Variants in KCNQ3 observed in about 807,000 individuals in gnomAD.
KCNQ3 encodes potassium voltage-gated channel subfamily Q member 3.
A neutral mutation model predicts 92.5 loss-of-function variants in KCNQ3; 30 were observed. The ratio of observed to expected loss-of-function variants is 0.32; its 90% CI spans 0.24 to 0.44. The LOEUF (loss-of-function observed/expected upper bound fraction) is 0.44. Ranked by LOEUF, KCNQ3 falls within the 20% of genes least tolerant of loss-of-function variation. KCNQ3 has a pLI of 1.00. For synonymous variants in KCNQ3, 450 were observed against 468.8 expected (o/e 0.96, Z 0.52); for missense variants, 913 against 1,140.3 (o/e 0.80, Z 2.87).
intron 1 of KCNQ3, among the ~76,000 whole-genome samples, chr8:132,190,063 G>A (rs574511102): frequency 1.8e-4 from 28 of 152,214 alleles, no homozygotes; most frequent in South Asian, 1.5e-3. Flanking sequence ...CGATCCTGGC[G>A]CTGGAACCCA....
intron 1 of KCNQ3, among the ~76,000 whole-genome samples, chr8:132,373,010 ATC>A (rs1009442254): frequency 6.6e-6 from 1 of 152,108 alleles, no homozygotes; most frequent in African/African-American, 2.4e-5. Context: ...AGATAATAGA[ATC>A]TCACAGAATT....
At chr8:132,331,222 A>G (rs998185503) in intron 1 of KCNQ3, among the ~76,000 whole-genome samples, 1 of 152,146 alleles carries the variant, frequency 6.6e-6, no homozygotes, top group Admixed American at 6.5e-5. Context: ...AGGAATTTGA[A>G]AGTCTAGGTG....
Position 132,240,297 on chromosome 8 carries a change from C to T in KCNQ3, c.387-54116G>A, listed in dbSNP as rs144213780. On this transcript the variant is annotated intron_variant, in intron 1 of 14. Coordinates refer to ENST00000388996, the MANE Select transcript of KCNQ3 (RefSeq NM_004519.4). ...TGCCTCCAGGGTTCAAGTGCATCTC[C>T]TGCCTCAGCCTCCCGAGTAGCTGGG... Among the ~76,000 whole-genome samples the T allele has an allele frequency of 3.4e-3, 521 of 151,884 alleles. 2 individuals are homozygous for T. The highest frequency in any genetic ancestry group is 4.6e-3 in the Non-Finnish European group (314 of 67,996).
intron 1 of KCNQ3, among the ~76,000 whole-genome samples, chr8:132,453,425 C>T (rs903714357): frequency 2.0e-5 from 3 of 152,150 alleles, no homozygotes; most frequent in African/African-American, 7.2e-5. Flanking sequence ...CCTGAGAGGT[C>T]GGGCTGCCTG....
chr8:132,304,679 T>C (rs1817360988), intron 1 of KCNQ3, among the ~76,000 whole-genome samples: 1 of 152,226 alleles, frequency 6.6e-6, no homozygotes, highest in Admixed American at 6.5e-5. Context: ...GTGCAGCTTA[T>C]AAAACATTTT....
chr8:132,473,701 C>G (rs972051209), intron 1 of KCNQ3, among the ~76,000 whole-genome samples: 6 of 152,190 alleles, frequency 3.9e-5, no homozygotes, highest in African/African-American at 1.4e-4. Context: ...CCCAAAGATA[C>G]AGCAACTTGC....
In KCNQ3 at chr8:132,132,160, G is replaced by A; in HGVS notation, c.1884+20C>T. The A allele has an allele frequency of 6.7e-7, 1 of 1,496,246 alleles. No homozygotes were observed. Among genetic ancestry groups the A allele is most frequent in the East Asian group, 2.3e-5 (1 of 44,288 alleles). 92.7% of individuals were successfully genotyped at this position (1,496,246 alleles called of 1,614,324 possible). A position where few individuals can be genotyped will look rare whatever the true frequency, so the allele number is the denominator to read the frequency against. On this transcript the variant is annotated intron_variant, in intron 14 of 14. Transcript: ENST00000388996. Reference sequence around the variant, plus strand: ...AAATGTCACAGATCCAGTTTTTGGTGAGAGGAAGAAAAGACTTACCTGTCT... The same window carrying A: ...AAATGTCACAGATCCAGTTTTTGGTAAGAGGAAGAAAAGACTTACCTGTCT...
chr8:132,304,249 ATGT>A (rs1466923853), intron 1 of KCNQ3, among the ~76,000 whole-genome samples: 6 of 152,316 alleles, frequency 3.9e-5, no homozygotes, highest in African/African-American at 1.4e-4. Flanking sequence ...ATTCACCACT[ATGT>A]AATACATCCA....
chr8:132,201,845 C>T (rs574640966), intron 1 of KCNQ3, among the ~76,000 whole-genome samples: 65 of 152,278 alleles, frequency 4.3e-4, no homozygotes, highest in South Asian at 1.5e-3. Flanking sequence ...ACTGCCCTAG[C>T]GAGGTCTCTC....
chr8:132,240,847 T>G (rs1366701012), intron 1 of KCNQ3, among the ~76,000 whole-genome samples: 2 of 152,124 alleles, frequency 1.3e-5, no homozygotes, highest in Non-Finnish European at 2.9e-5. Flanking sequence ...TTATGTATGT[T>G]AACTCCTTTA....
intron 1 of KCNQ3, among the ~76,000 whole-genome samples, chr8:132,224,534 T>C (rs962281581): frequency 2.0e-5 from 3 of 152,030 alleles, no homozygotes; most frequent in Non-Finnish European, 4.4e-5. Flanking sequence ...GAGATCTGAC[T>C]CACAAACTTC....
At chr8:132,163,583 T>C in intron 8 of KCNQ3, 89 bp from the exon 9 acceptor site, 6 of 1,109,392 alleles carry the variant, frequency 5.4e-6, no homozygotes, top group Non-Finnish European at 8.3e-6. Flanking sequence ...AGCTTCTCTC[T>C]GAAGATGATG....
At chr8:132,327,206 C>A (rs919396399) in intron 1 of KCNQ3, among the ~76,000 whole-genome samples, 1 of 152,170 alleles carries the variant, frequency 6.6e-6, no homozygotes, top group African/African-American at 2.4e-5. Context: ...CATGCAGGAT[C>A]TCATGTGTGA....
At chr8:132,287,647 T>G (rs59778108) in intron 1 of KCNQ3, among the ~76,000 whole-genome samples, 1 of 152,320 alleles carries the variant, frequency 6.6e-6, no homozygotes, top group Non-Finnish European at 1.5e-5. Context: ...ACCTTGAAAT[T>G]TGGTGGATCA....
intron 1 of KCNQ3, among the ~76,000 whole-genome samples, chr8:132,429,189 A>G (rs1821183731): frequency 6.6e-6 from 1 of 152,180 alleles, no homozygotes; most frequent in African/African-American, 2.4e-5. Flanking sequence ...GTCAACCACT[A>G]ATGAAGAAGT....
At chr8:132,300,181 GGACAA>G (rs754926562) in intron 1 of KCNQ3, among the ~76,000 whole-genome samples, 3 of 152,206 alleles carry the variant, frequency 2.0e-5, no homozygotes, top group Admixed American at 1.3e-4. Flanking sequence ...GGGAAAGAAA[GGACAA>G]GACAAGATAA....
At chr8:132,189,907 A>AAAAAAAAAAAAAG (rs1480816124) in intron 1 of KCNQ3, among the ~76,000 whole-genome samples, 1 of 132,218 alleles carries the variant, frequency 7.6e-6, no homozygotes, top group Non-Finnish European at 1.5e-5. Flanking sequence ...AAAAAAAAAA[A>AAAAAAAAAAAAAG]AGAGAGAGAG....
intron 1 of KCNQ3, among the ~76,000 whole-genome samples, chr8:132,203,049 C>A (rs751907098): frequency 2.6e-5 from 4 of 152,082 alleles, no homozygotes; most frequent in Non-Finnish European, 5.9e-5. Flanking sequence ...CTGTGAGGGT[C>A]TTTTTGCTGG....
chr8:132,379,977 G>T (rs1819703000), intron 1 of KCNQ3, among the ~76,000 whole-genome samples: 1 of 149,870 alleles, frequency 6.7e-6, no homozygotes, highest in African/African-American at 2.5e-5. Flanking sequence ...ATTATTAGTT[G>T]TGATGATAAT....
Sources: allele counts gnomAD v4.1 joint callset (sites outside exome capture counted in the v4.1 genomes callset), GRCh38; gene constraint gnomAD v4.1.1; transcripts MANE v1.5; gene names NCBI Gene and HGNC (gene_info 2026-07-23, HGNC 2026-07-21).